CTNNA2: variants seen among roughly 807,000 people sequenced by gnomAD.
CTNNA2 encodes the protein catenin alpha 2.
A neutral mutation model predicts 101.0 loss-of-function variants in CTNNA2; 42 were observed. The observed-to-expected ratio is 0.42, with a 90% CI of 0.32 to 0.54. The LOEUF is 0.54. Among genes scored for constraint, CTNNA2 ranks in the 20% least tolerant of loss-of-function variants. The pLI is 0.14. For missense variants in CTNNA2, 871 were observed against 1,223.1 expected, an observed-to-expected ratio of 0.71 and a Z score of 4.29; for synonymous variants, 450 against 456.4, an observed-to-expected ratio of 0.99 and a Z score of 0.18.
At chr2:79,502,711 T>G (rs1157051882) in intron 4 of CTNNA2, among the ~76,000 whole-genome samples, 1 of 152,214 alleles carries the variant, frequency 6.6e-6, no homozygotes, top group Non-Finnish European at 1.5e-5. Flanking sequence ...GTGGCTGTCT[T>G]TTGTTGGCTG....
chr2:79,826,613 A>G (rs1361534413), intron 3 of CTNNA2, among the ~76,000 whole-genome samples: 1 of 152,244 alleles, frequency 6.6e-6, no homozygotes, highest in Non-Finnish European at 1.5e-5. Flanking sequence ...TACAAGTCGT[A>G]ATGCCAAAGA....
intron 4 of CTNNA2, among the ~76,000 whole-genome samples, chr2:79,383,782 C>T (rs1039990314): frequency 6.6e-6 from 1 of 152,200 alleles, no homozygotes; most frequent in Non-Finnish European, 1.5e-5. Flanking sequence ...GCATTTGTTT[C>T]CTTAATCAAA....
At chr2:80,026,497 A>G (rs1403672366) in intron 7 of CTNNA2, among the ~76,000 whole-genome samples, 13 of 152,116 alleles carry the variant, frequency 8.5e-5, no homozygotes, top group Admixed American at 8.5e-4. Flanking sequence ...CTGGCTGTGG[A>G]GAGAGTCTTG....
intron 7 of CTNNA2, among the ~76,000 whole-genome samples, chr2:80,015,517 T>C (rs1198716886): frequency 1.3e-5 from 2 of 152,076 alleles, no homozygotes; most frequent in African/African-American, 4.8e-5. Flanking sequence ...TATCCATAGT[T>C]GAGGGGGTGA....
chr2:79,783,966 A>T (rs1674648054), intron 3 of CTNNA2, among the ~76,000 whole-genome samples: 1 of 152,200 alleles, frequency 6.6e-6, no homozygotes, highest in South Asian at 2.1e-4. Context: ...TGTATTTTGA[A>T]GTTCTGGTGT....
At chr2:79,908,847 T>C (rs1685597195) in intron 6 of CTNNA2, among the ~76,000 whole-genome samples, 1 of 152,234 alleles carries the variant, frequency 6.6e-6, no homozygotes, top group Non-Finnish European at 1.5e-5. Flanking sequence ...CATATTTCCA[T>C]CTACCTCGGG....
At chr2:79,698,018 A>C (rs567817171) in intron 2 of CTNNA2, 1 of 152,176 alleles carries the variant, frequency 6.6e-6, no homozygotes, top group South Asian at 2.1e-4. Context: ...GCAATTCTAA[A>C]CAGTATTCGT....
At chr2:79,520,440 G>A (rs943669315) in intron 1 of CTNNA2, among the ~76,000 whole-genome samples, 28 of 152,020 alleles carry the variant, frequency 1.8e-4, no homozygotes, top group Non-Finnish European at 4.1e-4. Context: ...CTGTGATGTT[G>A]GATTAGGCAA....
intron 7 of CTNNA2, among the ~76,000 whole-genome samples, chr2:80,033,817 A>G (rs1029387407): frequency 6.6e-5 from 10 of 152,284 alleles, no homozygotes; most frequent in Admixed American, 3.9e-4. Flanking sequence ...ATGGAAATTC[A>G]GTGTATGAAA....
chr2:80,050,984 C>T (rs1572947964), intron 7 of CTNNA2, among the ~76,000 whole-genome samples: 1 of 152,112 alleles, frequency 6.6e-6, no homozygotes, highest in Non-Finnish European at 1.5e-5. Flanking sequence ...CCTCAGCTTC[C>T]CCAAGTGCTA....
At chr2:79,415,442 G>A (rs1251394783) in intron 4 of CTNNA2, among the ~76,000 whole-genome samples, 1 of 152,060 alleles carries the variant, frequency 6.6e-6, no homozygotes, top group African/African-American at 2.4e-5. Context: ...TTATAGTGAT[G>A]CAAGAATAAA....
intron 17 of CTNNA2, among the ~76,000 whole-genome samples, chr2:80,616,714 T>A (rs1430864353): frequency 7.3e-5 from 11 of 151,504 alleles, no homozygotes; most frequent in Admixed American, 7.3e-4. Context: ...GGAGTAGAGC[T>A]TAGTTTTCAT....
chr2:80,479,037 A>T (rs1010279018), intron 9 of CTNNA2, among the ~76,000 whole-genome samples: 3 of 150,616 alleles, frequency 2.0e-5, no homozygotes, highest in Admixed American at 1.3e-4. Flanking sequence ...TTTTTGTGTC[A>T]TCTATAATTT....
chr2:80,600,037 T>G (rs1697347997), intron 15 of CTNNA2, among the ~76,000 whole-genome samples: 1 of 151,580 alleles, frequency 6.6e-6, no homozygotes, highest in African/African-American at 2.4e-5. Context: ...TGTGTTTATA[T>G]TTTATAGTAA....
At chr2:80,384,093 C>T (rs183585140) in intron 7 of CTNNA2, among the ~76,000 whole-genome samples, 2 of 152,232 alleles carry the variant, frequency 1.3e-5, no homozygotes, top group East Asian at 3.9e-4. Flanking sequence ...CATGTTCTCC[C>T]TTACAAATAG....
chr2:80,575,237 C>T (rs1019634876), intron 13 of CTNNA2: 6 of 152,096 alleles, frequency 3.9e-5, no homozygotes, highest in Non-Finnish European at 8.8e-5. Flanking sequence ...GCATGCTGTC[C>T]AGTAGAATGG....
chr2:79,750,284 A>G (rs767425780), intron 3 of CTNNA2, among the ~76,000 whole-genome samples: 2 of 152,222 alleles, frequency 1.3e-5, no homozygotes, highest in Non-Finnish European at 2.9e-5. Flanking sequence ...TTTAGTGAAT[A>G]CTAGAATCAC....
At chr2:79,796,919 A>C (rs1675753864) in intron 3 of CTNNA2, among the ~76,000 whole-genome samples, 1 of 152,162 alleles carries the variant, frequency 6.6e-6, no homozygotes, top group Admixed American at 6.5e-5. Flanking sequence ...GATATGACTC[A>C]TGAAGCTCAG....
At chr2:80,329,284 G>A (rs1177597697) in intron 7 of CTNNA2, among the ~76,000 whole-genome samples, 1 of 152,124 alleles carries the variant, frequency 6.6e-6, no homozygotes, top group Non-Finnish European at 1.5e-5. Flanking sequence ...GCTTGGAGAA[G>A]TAATGTTTTG....
Sources: allele counts gnomAD v4.1 joint callset (sites outside exome capture counted in the v4.1 genomes callset), GRCh38; gene constraint gnomAD v4.1.1; transcripts MANE v1.5; gene names NCBI Gene and HGNC (gene_info 2026-07-23, HGNC 2026-07-21).